The following COL4A2 variants were observed in gnomAD, a reference collection of about 807,000 sequenced individuals.
COL4A2 encodes collagen type IV alpha 2 chain, also known as collagen alpha-2(IV) chain.
In COL4A2, 99 loss-of-function variants were observed where a neutral mutation model predicts 200.2. That is an observed-to-expected ratio of 0.49 (90% CI 0.42 to 0.58). COL4A2 has a LOEUF of 0.58. Ranked by LOEUF, COL4A2 falls within the 20% of genes least tolerant of loss-of-function variation. The pLI is 0.00. For synonymous variants in COL4A2, 897 were observed against 900.6 expected, an observed-to-expected ratio of 1.00 and a Z score of 0.07; for missense variants, 1,950 against 2,314.1, an observed-to-expected ratio of 0.84 and a Z score of 3.23.
chr13:110,504,338 A>C, intron 45 of COL4A2, 74 bp downstream of exon 45: 1 of 1,291,972 alleles, frequency 7.7e-7, no homozygotes, highest in Admixed American at 1.7e-5. Flanking sequence ...GGTCTGCAGG[A>C]AGGGGACACA....
chr13:110,325,172 T>C (rs2139355635), intron 3 of COL4A2, among the ~76,000 whole-genome samples: 1 of 152,306 alleles, frequency 6.6e-6, no homozygotes, highest in South Asian at 2.1e-4. Context: ...GCCACATGTG[T>C]CCATAATAAT....
chr13:110,469,101 C>A, intron 27 of COL4A2, 116 bp from the exon 28 acceptor site: 1 of 1,201,672 alleles, frequency 8.3e-7, no homozygotes, highest in Non-Finnish European at 1.2e-6. Context: ...GATATTCCCC[C>A]CAGCCTCATC....
intron 3 of COL4A2, among the ~76,000 whole-genome samples, chr13:110,337,918 A>G (rs1450065499): frequency 6.6e-6 from 1 of 152,258 alleles, no homozygotes; most frequent in Non-Finnish European, 1.5e-5. Flanking sequence ...ATGAACATGC[A>G]TTGAAAGTAA....
chr13:110,423,957 C>T (rs568570152), intron 4 of COL4A2, among the ~76,000 whole-genome samples: 253 of 152,316 alleles, frequency 1.7e-3, no homozygotes, highest in African/African-American at 5.7e-3. Context: ...CATTGTTGGA[C>T]ACTTGAGTGG....
intron 18 of COL4A2, 122 bp from the exon 19 acceptor site, chr13:110,449,557 T>C: frequency 1.1e-6 from 1 of 894,018 alleles, no homozygotes; most frequent in Non-Finnish European, 1.7e-6. Flanking sequence ...TCTTAACTCC[T>C]CATCAGGCCG....
rs185851574 is a variant in COL4A2, at chr13:110,313,876, G to A, written c.99+5753G>A. ...CGTCCACCCGGCAGGCTCCTACCTC[G>A]GTGCTGGGTTCCAGCCCCTCCCCTG... On this transcript the variant is annotated intron_variant, in intron 3 of 47. Coordinates refer to ENST00000360467, the MANE Select transcript of COL4A2 (RefSeq NM_001846.4). Among the ~76,000 whole-genome samples, 81 of 151,780 alleles carry A rather than the reference G, an allele frequency of 5.3e-4. 3 individuals carry two copies. The highest frequency in any genetic ancestry group is 1.9e-3 in the African/African-American group (77 of 41,184).
chr13:110,415,627 TTC>T (rs1470492700), intron 4 of COL4A2, among the ~76,000 whole-genome samples: 3 of 152,256 alleles, frequency 2.0e-5, no homozygotes, highest in Admixed American at 2.0e-4. Context: ...GAATTTTTTT[TTC>T]TCTCATATAT....
intron 12 of COL4A2, 144 bp from the exon 13 acceptor site, chr13:110,436,125 G>T (rs781558004): frequency 1.7e-6 from 2 of 1,204,902 alleles, no homozygotes; most frequent in Admixed American, 1.7e-5. Flanking sequence ...CTATTTTGTG[G>T]TTATTATACT....
chr13:110,467,907 G>A (rs543187824), intron 27 of COL4A2, among the ~76,000 whole-genome samples: 12 of 152,202 alleles, frequency 7.9e-5, no homozygotes, highest in South Asian at 6.2e-4. Flanking sequence ...TGATGGGGCC[G>A]GGGAAGCATG....
chr13:110,442,058 C>A (rs1238300600), intron 16 of COL4A2, among the ~76,000 whole-genome samples: 1 of 134,500 alleles, frequency 7.4e-6, no homozygotes, highest in Non-Finnish European at 1.5e-5. Flanking sequence ...TGCACTCCAG[C>A]CTGGGAGAGA....
At chr13:110,479,554 G>T (rs191842847) in intron 30 of COL4A2, among the ~76,000 whole-genome samples, 1 of 73,178 alleles carries the variant, frequency 1.4e-5, no homozygotes, top group African/African-American at 4.5e-5. Context: ...TAGATAAGAA[G>T]ATTGAGCCAA....
At chr13:110,439,735 G>C in intron 15 of COL4A2, 54 bp from the exon 16 acceptor site, 2 of 1,612,662 alleles carry the variant, frequency 1.2e-6, no homozygotes, top group African/African-American at 2.7e-5. Context: ...AAGCCCTCTG[G>C]AAATGTCTAC....
chr13:110,398,102 C>CTT (rs5806853), intron 4 of COL4A2, among the ~76,000 whole-genome samples: 169 of 147,710 alleles, frequency 1.1e-3, no homozygotes, highest in Middle Eastern at 3.5e-3. Flanking sequence ...CAGATTTTTT[C>CTT]TTTTTTTTTT....
chr13:110,445,559 A>T (rs775864130), intron 16 of COL4A2, among the ~76,000 whole-genome samples: 1 of 152,176 alleles, frequency 6.6e-6, no homozygotes, highest in Non-Finnish European at 1.5e-5. Flanking sequence ...AAAACATAGA[A>T]AGGAAGAAGG....
At chr13:110,415,276 A>T (rs1305387889) in intron 4 of COL4A2, among the ~76,000 whole-genome samples, 1 of 152,230 alleles carries the variant, frequency 6.6e-6, no homozygotes, top group Non-Finnish European at 1.5e-5. Context: ...ATTTTATTGT[A>T]TGTAAATTAA....
intron 30 of COL4A2, among the ~76,000 whole-genome samples, chr13:110,479,815 G>A (rs191381245): frequency 7.6e-4 from 116 of 152,316 alleles, no homozygotes; most frequent in African/African-American, 2.6e-3. Flanking sequence ...GGCAGCTGGA[G>A]GGTCCCCCGG....
chr13:110,355,566 T>C (rs9521705), intron 3 of COL4A2, among the ~76,000 whole-genome samples: 1 of 25,880 alleles, frequency 3.9e-5, no homozygotes, highest in Non-Finnish European at 6.4e-5. Context: ...AGGGCTGTAC[T>C]AGCTCACCTG....
At chr13:110,492,928 G>T (rs1224067116) in intron 38 of COL4A2, among the ~76,000 whole-genome samples, 1 of 152,200 alleles carries the variant, frequency 6.6e-6, no homozygotes, top group Non-Finnish European at 1.5e-5. Flanking sequence ...GATTGTATGG[G>T]TGACAGTATC....
chr13:110,331,377 G>A (rs1175518270), intron 3 of COL4A2, among the ~76,000 whole-genome samples: 1 of 152,200 alleles, frequency 6.6e-6, no homozygotes, highest in East Asian at 1.9e-4. Context: ...CTGTTGGAAA[G>A]AGGGGACGAA....
Sources: gnomAD v4.1 joint callset for allele counts (sites outside exome capture counted in the v4.1 genomes callset) on GRCh38, gnomAD v4.1.1 for gene constraint, MANE v1.5 for transcripts, NCBI Gene and HGNC (gene_info 2026-07-23, HGNC 2026-07-21) for gene names.